DIP2C: variants seen among roughly 807,000 people sequenced by gnomAD.
The protein encoded by DIP2C is DIP2 acetate--CoA ligase C (putative).
Under a neutral mutation model 192.4 loss-of-function variants are expected in DIP2C, and 33 were observed. The ratio of observed to expected loss-of-function variants is 0.17; its 90% confidence interval spans 0.13 to 0.23. The LOEUF is 0.23. Ranked by LOEUF, DIP2C falls within the 10% of genes least tolerant of loss-of-function variation. The pLI, the probability that DIP2C is intolerant of heterozygous loss-of-function variation, is 1.00. For synonymous variants in DIP2C, 979 were observed against 864.1 expected (o/e 1.13, Z -2.33); for missense variants, 1,537 against 2,110.1 (o/e 0.73, Z 5.32).
chr10:366,867 G>T (rs188806237), intron 18 of DIP2C, among the ~76,000 whole-genome samples: 1 of 152,100 alleles, frequency 6.6e-6, no homozygotes, highest in Non-Finnish European at 1.5e-5. Flanking sequence ...CCACTGGAGC[G>T]CTTTGCACAC....
chr10:304,229 G>A (rs1956199944), intron 32 of DIP2C, among the ~76,000 whole-genome samples: 1 of 152,086 alleles, frequency 6.6e-6, no homozygotes, highest in African/African-American at 2.4e-5. Context: ...TACTAGCATT[G>A]CCACAAACAC....
At chr10:546,827 A>G (rs1216350123) in intron 1 of DIP2C, among the ~76,000 whole-genome samples, 1 of 152,222 alleles carries the variant, frequency 6.6e-6, no homozygotes, top group Non-Finnish European at 1.5e-5. Context: ...CACTGATCAC[A>G]TGAGAAAGTG....
At chr10:585,019 C>A (rs1271391553) in intron 1 of DIP2C, among the ~76,000 whole-genome samples, 16 of 151,664 alleles carry the variant, frequency 1.1e-4, no homozygotes, top group African/African-American at 3.4e-4. Context: ...CGCAACCTGG[C>A]CCCCACTCAC....
At chr10:283,543 T>C in intron 34 of DIP2C, 97 bp from the exon 35 acceptor site, 1 of 1,436,588 alleles carries the variant, frequency 7.0e-7, no homozygotes, top group Admixed American at 2.0e-5. Context: ...TTATATTCAG[T>C]GATAGTAAAC....
At chr10:418,012 G>T (rs140044163) in intron 6 of DIP2C, among the ~76,000 whole-genome samples, 3,516 of 7,404 alleles carry the variant, frequency 0.47, 896 homozygotes, top group Middle Eastern at 0.69. Context: ...CTGTCAGGGC[G>T]CGGACAGGCC....
chr10:533,650 CAAA>C (rs534651561), intron 1 of DIP2C, among the ~76,000 whole-genome samples: 1 of 122,624 alleles, frequency 8.2e-6, no homozygotes, highest in African/African-American at 2.8e-5. Flanking sequence ...AGATACCTAC[CAAA>C]AAAAAAAAAA....
At chr10:356,086 A>G (rs1959067012) in intron 24 of DIP2C, among the ~76,000 whole-genome samples, 1 of 152,224 alleles carries the variant, frequency 6.6e-6, no homozygotes, top group South Asian at 2.1e-4. Context: ...TCAAAACACA[A>G]AACAAAACAA....
At chr10:518,492 G>A (rs925860364) in intron 1 of DIP2C, among the ~76,000 whole-genome samples, 1 of 152,166 alleles carries the variant, frequency 6.6e-6, no homozygotes, top group Non-Finnish European at 1.5e-5. Flanking sequence ...GGAGGTCTTT[G>A]GGAGGTGATG....
intron 1 of DIP2C, among the ~76,000 whole-genome samples, chr10:526,153 G>A (rs1847038806): frequency 6.6e-6 from 1 of 152,130 alleles, no homozygotes; most frequent in Admixed American, 6.5e-5. Context: ...GACCGACCGG[G>A]GCTCACATCA....
At chr10:415,627 GC>G (rs1360253396) in intron 7 of DIP2C, 141 bp downstream of exon 7, 17 of 1,128,266 alleles carry the variant, frequency 1.5e-5, no homozygotes, top group Non-Finnish European at 2.0e-5. Flanking sequence ...AACATCACCC[GC>G]TCCCTACCTG....
intron 1 of DIP2C, chr10:669,621 G>C (rs966848207): frequency 6.6e-6 from 1 of 152,240 alleles, no homozygotes; most frequent in Non-Finnish European, 1.5e-5. Context: ...TTATGATGCA[G>C]GTAAGAGGCA....
chr10:525,436 T>A (rs1334218180), intron 1 of DIP2C, among the ~76,000 whole-genome samples: 1 of 152,190 alleles, frequency 6.6e-6, no homozygotes, highest in African/African-American at 2.4e-5. Flanking sequence ...CAGAACACAG[T>A]ACAGATACTA....
chr10:280,956 G>C (rs952399091), intron 36 of DIP2C, among the ~76,000 whole-genome samples: 2 of 152,126 alleles, frequency 1.3e-5, no homozygotes, highest in Admixed American at 6.6e-5. Context: ...GGAAAATGTT[G>C]TCAAGTAGTT....
rs953149318 is a variant in DIP2C at position 465,794 on chromosome 10, T to G, written c.268+6645A>C. ...GAGTGAACTCCCATTCACAATTGCT[T>G]CAAAGAGAATAAAATACCTAGGAAT... On this transcript the variant is annotated intron_variant, in intron 3 of 36. Transcript: ENST00000280886. Among the ~76,000 whole-genome samples the G allele has an allele frequency of 4.0e-5, 6 of 151,162 alleles. No homozygotes were observed. The South Asian group carries it at 8.5e-4, about 21-fold the overall frequency.
chr10:288,318 G>A, intron 33 of DIP2C, 46 bp downstream of exon 33: 2 of 1,570,358 alleles, frequency 1.3e-6, no homozygotes, highest in Non-Finnish European at 1.7e-6. Context: ...CATACAGTCA[G>A]AAGCGAACGG....
intron 4 of DIP2C, among the ~76,000 whole-genome samples, chr10:427,183 C>T (rs1453017275): frequency 2.6e-5 from 4 of 152,058 alleles, no homozygotes; most frequent in African/African-American, 9.7e-5. Flanking sequence ...AAGGAGAATC[C>T]ATTTCTTGGT....
intron 1 of DIP2C, among the ~76,000 whole-genome samples, chr10:519,778 C>T (rs1408434233): frequency 1.3e-5 from 2 of 152,252 alleles, no homozygotes; most frequent in African/African-American, 2.4e-5. Flanking sequence ...TAGTTACAAA[C>T]GGACGACGCA....
intron 30 of DIP2C, among the ~76,000 whole-genome samples, chr10:327,969 G>A (rs1957348229): frequency 1.3e-5 from 2 of 152,184 alleles, no homozygotes; most frequent in Non-Finnish European, 2.9e-5. Flanking sequence ...GAAAGTAAGG[G>A]AGCGACAGGA....
At chr10:365,665 A>C (rs1960102255) in intron 19 of DIP2C, among the ~76,000 whole-genome samples, 1 of 152,252 alleles carries the variant, frequency 6.6e-6, no homozygotes, top group African/African-American at 2.4e-5. Flanking sequence ...AAGAGTTCTG[A>C]GTTGCAGCAC....
Sources: gnomAD v4.1 joint callset for allele counts (sites outside exome capture counted in the v4.1 genomes callset) on GRCh38, gnomAD v4.1.1 for gene constraint, MANE v1.5 for transcripts, NCBI Gene and HGNC (gene_info 2026-07-23, HGNC 2026-07-21) for gene names.